Variants in KDM4C observed in about 807,000 individuals in gnomAD.
The protein encoded by KDM4C is lysine-specific demethylase 4C.
A neutral mutation model predicts 129.3 loss-of-function variants in KDM4C; 81 were observed. The ratio of observed to expected loss-of-function variants is 0.63; its 90% confidence interval spans 0.52 to 0.75. The LOEUF is 0.75. KDM4C is among the 30% of genes least tolerant of loss of function. The probability of loss-of-function intolerance (pLI) is 0.00; values close to 1 mark genes in which losing one functional copy is unlikely to be tolerated. For missense variants in KDM4C, 1,457 were observed against 1,304.0 expected (o/e 1.12, Z -1.81); for synonymous variants, 573 against 456.1 (o/e 1.26, Z -3.26).
chr9:6,749,080 C>T (rs1423911322), intron 1 of KDM4C: 3 of 478,198 alleles, frequency 6.3e-6, no homozygotes, highest in Middle Eastern at 5.1e-4. Flanking sequence ...AGTGCAATGG[C>T]GCGATCTCGC....
intron 8 of KDM4C, chr9:6,902,877 T>C (rs981185557): frequency 6.6e-6 from 1 of 152,194 alleles, no homozygotes; most frequent in African/African-American, 2.4e-5. Context: ...TAACTAACAG[T>C]GGGTTTTTGT....
chr9:6,841,413 A>G (rs372464059), intron 4 of KDM4C, among the ~76,000 whole-genome samples: 13 of 152,318 alleles, frequency 8.5e-5, no homozygotes, highest in African/African-American at 2.4e-4. Context: ...ACTTAGCGAG[A>G]GAGTGACAGG....
At chr9:6,963,003 A>C (rs1830282513) in intron 8 of KDM4C, among the ~76,000 whole-genome samples, 1 of 152,208 alleles carries the variant, frequency 6.6e-6, no homozygotes, top group South Asian at 2.1e-4. Context: ...TTGAGCCAGT[A>C]ATGTCTTGTG....
At chr9:6,939,987 T>TTCCTTCCTTCCC (rs1825596103) in intron 8 of KDM4C, among the ~76,000 whole-genome samples, 1 of 107,444 alleles carries the variant, frequency 9.3e-6, no homozygotes, top group East Asian at 2.5e-4. Flanking sequence ...CCTTCCTTCC[T>TTCCTTCCTTCCC]TCCTTCCTTC....
rs551408579 is a variant in KDM4C at position 6,914,371 on chromosome 9, C to T, written c.921+21139C>T. 1.4e-4 allele frequency among the ~76,000 whole-genome samples: 21 copies of T among 152,152 alleles called. 1 individual carries two copies. The South Asian group carries it at 4.4e-3, about 32-fold the overall frequency. On this transcript the variant is annotated intron_variant, in intron 8 of 21. Transcript: ENST00000381309. ...ACAGGCATGAGCCACTGTGCCTGGC[C>T]CATATTTTCCCATTTTAATAAAGCA...
At chr9:6,760,445 G>GTATATATATATATATATATATATA (rs60954996) in intron 1 of KDM4C, among the ~76,000 whole-genome samples, 4 of 142,532 alleles carry the variant, frequency 2.8e-5, no homozygotes, top group African/African-American at 1.0e-4. Context: ...CTACTCTTGG[G>GTATATATATATATATATATATATA]TATATATATA....
At chr9:7,107,776 T>G (rs983191847) in intron 18 of KDM4C, among the ~76,000 whole-genome samples, 1 of 152,210 alleles carries the variant, frequency 6.6e-6, no homozygotes, top group African/African-American at 2.4e-5. Context: ...AACGCTGTAT[T>G]GGTTAATTTA....
At chr9:7,153,332 TCCCCATCAGAGTAG>T (rs1842882151) in intron 19 of KDM4C, among the ~76,000 whole-genome samples, 1 of 152,200 alleles carries the variant, frequency 6.6e-6, no homozygotes, top group African/African-American at 2.4e-5. Flanking sequence ...AAGTGGTGTA[TCCCCATCAGAGTAG>T]CCCCCTTGAG....
In KDM4C at chr9:7,169,765, T is replaced by A. The variant is rs769368980; in HGVS notation, c.2902-33T>A. 4 of 1,550,572 alleles carry A rather than the reference T, an allele frequency of 2.6e-6. No individual in the cohort carries two copies. In the East Asian group the frequency reaches 6.9e-5, roughly 27 times the overall value. ...TTAAAAATGGTCAGTGCTGTTTTTT[T>A]AATATGTATCATGTTATATTATCTT... On this transcript the variant is annotated intron_variant, in intron 20 of 21. Coordinates refer to ENST00000381309, the MANE Select transcript of KDM4C (RefSeq NM_015061.6).
intron 19 of KDM4C, among the ~76,000 whole-genome samples, chr9:7,135,720 A>G (rs1841131742): frequency 6.6e-6 from 1 of 152,188 alleles, no homozygotes; most frequent in African/African-American, 2.4e-5. Flanking sequence ...GAAGTTGGAA[A>G]GACTAAGAAA....
chr9:6,748,675 C>T lies in KDM4C; in HGVS notation c.49+27678C>T, dbSNP rs1187957244. On this transcript the variant is annotated intron_variant, in intron 1 of 17. Coordinates refer to the KDM4C transcript ENST00000536108. ...GTCTAAAAACAAACTGTATCCTTCT[C>T]AACAATTTCTCACTTCATTGATCAT... 6 of 1,226,090 alleles carry T rather than the reference C, an allele frequency of 4.9e-6. No homozygotes were observed. In the Admixed American group the frequency reaches 5.0e-5, roughly 10 times the overall value. The allele number at this position is 1,226,090 out of a possible 1,614,324, so 76.0% of individuals were successfully genotyped here. A position where few individuals can be genotyped will look rare whatever the true frequency, so the allele number is the denominator to read the frequency against.
At chr9:7,068,813 C>T (rs1286502313) in intron 17 of KDM4C, among the ~76,000 whole-genome samples, 1 of 150,360 alleles carries the variant, frequency 6.7e-6, no homozygotes, top group African/African-American at 2.4e-5. Flanking sequence ...TCTCCTGCCT[C>T]AGCCTTCTGA....
At chr9:6,781,169 T>C (rs1410416386) in intron 1 of KDM4C, among the ~76,000 whole-genome samples, 1 of 152,136 alleles carries the variant, frequency 6.6e-6, no homozygotes, top group Non-Finnish European at 1.5e-5. Context: ...GGAAGCTTCT[T>C]TGGGGCAGGG....
chr9:7,008,230 G>T (rs1822032890), intron 12 of KDM4C, among the ~76,000 whole-genome samples: 1 of 152,100 alleles, frequency 6.6e-6, no homozygotes, highest in Non-Finnish European at 1.5e-5. Flanking sequence ...GTGAAACCCA[G>T]CACCACACAG....
At chr9:7,104,071 G>T in intron 18 of KDM4C, 1 of 551,798 alleles carries the variant, frequency 1.8e-6, no homozygotes, top group African/African-American at 1.9e-5. Context: ...CCTGGTGCAC[G>T]CTAGGCACAA....
intron 10 of KDM4C, 69 bp downstream of exon 10, chr9:6,984,473 A>G: frequency 1.0e-6 from 1 of 990,024 alleles, no homozygotes. Context: ...TCTTAAATGG[A>G]TGTTCACTAT....
intron 18 of KDM4C, 103 bp from the exon 19 acceptor site, chr9:7,127,963 G>A (rs1053487792): frequency 9.3e-7 from 1 of 1,071,956 alleles, no homozygotes; most frequent in African/African-American, 1.7e-5. Flanking sequence ...TTAAATCTTG[G>A]CCAAATAAAT....
chr9:6,902,942 AAC>A (rs1817653765), intron 8 of KDM4C, among the ~76,000 whole-genome samples: 1 of 152,164 alleles, frequency 6.6e-6, no homozygotes, highest in African/African-American at 2.4e-5. Context: ...TATCTTCAGA[AAC>A]ACAGTGTAGC....
At chr9:7,042,163 A>G (rs1828711079) in intron 15 of KDM4C, among the ~76,000 whole-genome samples, 1 of 152,060 alleles carries the variant, frequency 6.6e-6, no homozygotes, top group Non-Finnish European at 1.5e-5. Flanking sequence ...GGGAAGTACT[A>G]ATTTTTTCCT....
Sources: gnomAD v4.1 joint callset for allele counts (sites outside exome capture counted in the v4.1 genomes callset) on GRCh38, gnomAD v4.1.1 for gene constraint, MANE v1.5 for transcripts, NCBI Gene and HGNC (gene_info 2026-07-23, HGNC 2026-07-21) for gene names.